PRKCZ: variants seen among roughly 807,000 people sequenced by gnomAD.
PRKCZ encodes the protein protein kinase C zeta type.
In PRKCZ, 33 loss-of-function variants were observed where a neutral mutation model predicts 79.5. The observed-to-expected ratio is 0.41, with a 90% CI of 0.31 to 0.55. The LOEUF is 0.55. PRKCZ is among the 20% of genes least tolerant of loss of function. The pLI is 0.19. For synonymous variants in PRKCZ, 342 were observed against 320.9 expected, an observed-to-expected ratio of 1.07 and a Z score of -0.70; for missense variants, 578 against 813.5, an observed-to-expected ratio of 0.71 and a Z score of 3.52.
chr1:2,062,117 A>G (rs1162401650), intron 4 of PRKCZ, among the ~76,000 whole-genome samples: 2 of 152,354 alleles, frequency 1.3e-5, no homozygotes, highest in East Asian at 1.9e-4. Context: ...CTTCTGGCAC[A>G]TTCTATGTGT....
chr1:2,123,521 G>A (rs1334639114), intron 4 of PRKCZ, among the ~76,000 whole-genome samples: 1 of 11,506 alleles, frequency 8.7e-5, no homozygotes, highest in South Asian at 3.7e-3. Context: ...GGTTAGGGTC[G>A]TGGCGGTGGT....
At chr1:2,137,623 C>T (rs1199918219) in intron 5 of PRKCZ, among the ~76,000 whole-genome samples, 4 of 152,180 alleles carry the variant, frequency 2.6e-5, no homozygotes, top group Non-Finnish European at 5.9e-5. Context: ...TTCTGCATGA[C>T]GGATTAGCCC....
intron 11 of PRKCZ, among the ~76,000 whole-genome samples, chr1:2,170,352 G>A (rs1486814437): frequency 6.6e-6 from 1 of 152,176 alleles, no homozygotes; most frequent in Non-Finnish European, 1.5e-5. Flanking sequence ...GTCTTTTGTA[G>A]TTTCTCCTTT....
Position 2,185,242 on chromosome 1 carries a change from C to A in PRKCZ, c.*233C>A. 1.4e-6 allele frequency: 1 copy of A among 710,878 alleles called. No individual in the cohort carries two copies. Among genetic ancestry groups the A allele is most frequent in the Non-Finnish European group, 2.6e-6 (1 of 382,026 alleles). The allele number at this position is 710,878 out of a possible 1,614,324, so 44.0% of individuals were successfully genotyped here. ...GAGGAACTTGCTGCTGTGCCTGCGT[C>A]GCGGCGGATCCGCGGGGACCCTGCC... On this transcript the variant is annotated 3_prime_UTR_variant, in exon 18 of 18. Transcript: ENST00000378567.
At chr1:2,069,979 G>A (rs1471903436) in intron 4 of PRKCZ, among the ~76,000 whole-genome samples, 1 of 152,134 alleles carries the variant, frequency 6.6e-6, no homozygotes, top group Non-Finnish European at 1.5e-5. Flanking sequence ...GAGGTGCCGG[G>A]GGTAGCCTGG....
chr1:2,061,637 T>C (rs1295265574), intron 4 of PRKCZ, among the ~76,000 whole-genome samples: 1 of 152,128 alleles, frequency 6.6e-6, no homozygotes, highest in Non-Finnish European at 1.5e-5. Flanking sequence ...GGGGCAGCCT[T>C]TGCCGAGGAG....
At chr1:2,180,856 T>A (rs987798199) in intron 16 of PRKCZ, among the ~76,000 whole-genome samples, 3 of 152,032 alleles carry the variant, frequency 2.0e-5, no homozygotes. Flanking sequence ...GGGCTCACCG[T>A]CATCACCCCA....
At chr1:2,170,171 G>T (rs1557730480) in intron 11 of PRKCZ, among the ~76,000 whole-genome samples, 1 of 152,172 alleles carries the variant, frequency 6.6e-6, no homozygotes, top group Non-Finnish European at 1.5e-5. Context: ...AGAGTGGTCT[G>T]TTTCTAGAGT....
Position 2,172,151 on chromosome 1 carries a change from G to A in PRKCZ, c.1158G>A (p.Ala386=), listed in dbSNP as rs148343947. ...DLKLDNVLLD[A]DGHIKLTDYG... Reference sequence around the variant, plus strand: ...AGCTGGACAACGTCCTCCTGGATGCGGACGGGCACATCAAGCTCACAGACT... The same window carrying A: ...AGCTGGACAACGTCCTCCTGGATGCAGACGGGCACATCAAGCTCACAGACT... The change falls in exon 12 of 18, where the codon GCG becomes GCA. Residue 386 remains alanine (A), a synonymous_variant. Transcript: ENST00000378567. The surrounding 1 kb of genome is among the most constrained non-coding windows in gnomAD (Gnocchi z 7.8). 28 of 1,613,418 alleles carry A rather than the reference G, an allele frequency of 1.7e-5. No individual in the cohort carries two copies. Among genetic ancestry groups the A allele is most frequent in the African/African-American group, 2.7e-5 (2 of 75,046 alleles).
At position 2,150,903 on chromosome 1, in the gene PRKCZ, C is replaced by A. The variant is rs796841482; in HGVS notation, c.801C>A (p.Leu267=). 4 of 1,614,180 alleles carry A rather than the reference C, an allele frequency of 2.5e-6. No individual in the cohort carries two copies. The African/African-American group carries it at 4.0e-5, about 16-fold the overall frequency. Residue 267 remains leucine (L), a synonymous_variant, in exon 9 of 18, where the codon CTC becomes CTA. Coordinates refer to ENST00000378567, the MANE Select transcript of PRKCZ (RefSeq NM_002744.6). The part of the protein sequence containing the change: ...VIGRGSYAKV[L]LVRLKKNDQI... ...GGCGCGGGAGCTACGCCAAGGTTCTCCTGGTGCGGTTGAAGAAGAATGACC... is the reference window on the plus strand; with the variant it reads ...GGCGCGGGAGCTACGCCAAGGTTCTACTGGTGCGGTTGAAGAAGAATGACC...
At chr1:2,083,076 C>CTT (rs1209862088) in intron 4 of PRKCZ, among the ~76,000 whole-genome samples, 5 of 152,278 alleles carry the variant, frequency 3.3e-5, no homozygotes, top group African/African-American at 1.2e-4. Context: ...TTTTAAATAC[C>CTT]TTGGTCCAAA....
intron 16 of PRKCZ, among the ~76,000 whole-genome samples, chr1:2,176,893 A>T (rs978248078): frequency 1.3e-5 from 2 of 152,186 alleles, no homozygotes; most frequent in African/African-American, 4.8e-5. Context: ...CTGCTGCCAA[A>T]CTAGGACGGG....
intron 16 of PRKCZ, among the ~76,000 whole-genome samples, chr1:2,176,881 G>A (rs967288411): frequency 1.3e-5 from 2 of 152,224 alleles, no homozygotes; most frequent in African/African-American, 4.8e-5. Context: ...AGCCCAGCTG[G>A]GCTGCTGCCA....
chr1:2,069,147 C>G (rs1000354621), intron 4 of PRKCZ, among the ~76,000 whole-genome samples: 4 of 152,200 alleles, frequency 2.6e-5, no homozygotes, highest in Admixed American at 2.0e-4. Context: ...CCAATGCGAC[C>G]CCCGGCACCT....
Position 2,171,952 on chromosome 1 carries a change from G to A in PRKCZ, c.1062-103G>A, listed in dbSNP as rs1483430351. ...TGGGCCTGGTCATTGAGAGGATGCC[G>A]GGCCCGTGGTGGGGCAAACGGGAGT... On this transcript the variant is annotated intron_variant, in intron 11 of 17. Coordinates refer to ENST00000378567, the MANE Select transcript of PRKCZ (RefSeq NM_002744.6). 17 of 1,371,750 alleles carry A rather than the reference G, an allele frequency of 1.2e-5. No homozygotes were observed. In the East Asian group the frequency reaches 2.5e-4, roughly 20 times the overall value. The allele number at this position is 1,371,750 out of a possible 1,614,324, so 85.0% of individuals were successfully genotyped here.
At chr1:2,162,223 C>G (rs569297071) in intron 10 of PRKCZ, among the ~76,000 whole-genome samples, 2 of 152,246 alleles carry the variant, frequency 1.3e-5, no homozygotes, top group South Asian at 4.1e-4. Context: ...CCTCCGCCCC[C>G]TGGGTTCGAG....
chr1:2,087,778 G>T (rs978711057), intron 4 of PRKCZ, among the ~76,000 whole-genome samples: 1 of 152,164 alleles, frequency 6.6e-6, no homozygotes, highest in Non-Finnish European at 1.5e-5. Context: ...CCCTAACCGG[G>T]TACCCACTAA....
At chr1:2,117,998 C>CTTTTTTTT (rs1553152756) in intron 4 of PRKCZ, among the ~76,000 whole-genome samples, 1,459 of 64,940 alleles carry the variant, frequency 0.022, 3 homozygotes, top group South Asian at 0.038. Context: ...CCTATTATTT[C>CTTTTTTTT]TTTTTTTTTT....
chr1:2,134,471 T>C (rs1326971012), intron 4 of PRKCZ, among the ~76,000 whole-genome samples: 4 of 152,074 alleles, frequency 2.6e-5, no homozygotes, highest in Non-Finnish European at 5.9e-5. Flanking sequence ...TTTCAAAGAG[T>C]TTTGGAGGAG....
Sources: allele counts gnomAD v4.1 joint callset (sites outside exome capture counted in the v4.1 genomes callset), GRCh38; gene constraint gnomAD v4.1.1; non-coding constraint Gnocchi (gnomAD v3.1); transcripts MANE v1.5; gene names NCBI Gene and HGNC (gene_info 2026-07-23, HGNC 2026-07-21).